The following CFAP99 variants were observed in gnomAD, a reference collection of about 807,000 sequenced individuals.
CFAP99 encodes the protein cilia and flagella associated protein 99, also known as cilia- and flagella-associated protein 99.
A neutral mutation model predicts 82.7 loss-of-function variants in CFAP99; 84 were observed. That is an observed-to-expected ratio of 1.02 (90% CI 0.85 to 1.22). The LOEUF (loss-of-function observed/expected upper bound fraction) is 1.22, where lower values mean the gene tolerates loss of function less well. Ranked by LOEUF, CFAP99 falls within the 50% of genes most tolerant of loss-of-function variation. CFAP99 has a pLI of 0.00. For missense variants in CFAP99, 1,059 were observed against 983.5 expected (o/e 1.08, Z -1.03); for synonymous variants, 456 against 429.5 (o/e 1.06, Z -0.76).
At chr4:2,437,202 T>C (rs2239736) in intron 3 of CFAP99, among the ~76,000 whole-genome samples, 184 bp downstream of exon 3, 88,128 of 152,064 alleles carry the variant, frequency 0.58, 26,644 homozygotes, top group African/African-American at 0.74. Context: ...ACCTTGCAGA[T>C]GGGAAACTGA....
intron 1 of CFAP99, among the ~76,000 whole-genome samples, chr4:2,419,714 G>A (rs1733507773): frequency 6.6e-6 from 1 of 152,126 alleles, no homozygotes; most frequent in Non-Finnish European, 1.5e-5. Context: ...TATTCCAACA[G>A]ACGCGATGTG....
chr4:2,442,641 ACCC>A (rs1299834600), intron 4 of CFAP99, among the ~76,000 whole-genome samples: 2 of 152,014 alleles, frequency 1.3e-5, no homozygotes, highest in Non-Finnish European at 2.9e-5. Flanking sequence ...GGAGCCCCGG[ACCC>A]TCGGCTCCCC....
chr4:2,419,856 C>T (rs1023589643), intron 1 of CFAP99, among the ~76,000 whole-genome samples: 3 of 152,156 alleles, frequency 2.0e-5, no homozygotes, highest in African/African-American at 7.2e-5. Flanking sequence ...GGCAAAACCC[C>T]TCTGGAGTTT....
At chr4:2,461,909 G>A (rs183962349) in intron 14 of CFAP99, among the ~76,000 whole-genome samples, 3 of 152,122 alleles carry the variant, frequency 2.0e-5, no homozygotes, top group South Asian at 4.2e-4. Context: ...AGAAGAGTGC[G>A]AGGTCAAAGG....
chr4:2,420,955 C>T (rs980057077), intron 1 of CFAP99, among the ~76,000 whole-genome samples: 4 of 152,178 alleles, frequency 2.6e-5, no homozygotes, highest in Non-Finnish European at 5.9e-5. Context: ...AGAACTTAGC[C>T]ACACAACCAT....
chr4:2,431,617 A>C (rs1733802952), intron 2 of CFAP99, among the ~76,000 whole-genome samples: 1 of 152,154 alleles, frequency 6.6e-6, no homozygotes, highest in African/African-American at 2.4e-5. Flanking sequence ...TTGGCTTTCC[A>C]TGGAGATCCA....
chr4:2,419,118 G>A (rs1384326324), intron 1 of CFAP99, 25 bp downstream of exon 1: 3 of 152,162 alleles, frequency 2.0e-5, no homozygotes, highest in Admixed American at 1.3e-4. Flanking sequence ...CAGGTGCGGG[G>A]CGACGCGCCG....
intron 1 of CFAP99, among the ~76,000 whole-genome samples, chr4:2,423,285 C>T (rs916536085): frequency 6.6e-6 from 1 of 152,264 alleles, no homozygotes; most frequent in Non-Finnish European, 1.5e-5. Flanking sequence ...CCGCACCGCA[C>T]CCCTGCCATA....
chr4:2,440,149 C>CTTTTTTT (rs1253819268), intron 4 of CFAP99, among the ~76,000 whole-genome samples: 6 of 104,036 alleles, frequency 5.8e-5, no homozygotes, highest in South Asian at 6.4e-4. Flanking sequence ...GCTTGACATT[C>CTTTTTTT]TTTTTTTTTT....
intron 5 of CFAP99, among the ~76,000 whole-genome samples, chr4:2,444,639 G>A (rs2108726672): frequency 6.6e-6 from 1 of 152,188 alleles, no homozygotes; most frequent in South Asian, 2.1e-4. Flanking sequence ...CCCACCCAGA[G>A]GCTGTACCAA....
chr4:2,452,582 G>A (rs578243832), intron 11 of CFAP99, among the ~76,000 whole-genome samples: 3 of 152,290 alleles, frequency 2.0e-5, no homozygotes, highest in Admixed American at 2.0e-4. Flanking sequence ...ACAGTGGCCT[G>A]GACCAGCGGG....
intron 1 of CFAP99, among the ~76,000 whole-genome samples, chr4:2,425,381 T>C (rs1203784): frequency 0.74 from 112,408 of 151,992 alleles, 42,704 homozygotes; most frequent in East Asian, 0.99. Context: ...CCAGGATCGG[T>C]GTCTCACCAA....
exon 10 of CFAP99, chr4:2,451,273 A>G: frequency 1.3e-6 from 2 of 1,536,038 alleles, no homozygotes; most frequent in Non-Finnish European, 1.7e-6. Context: ...GCCTGACAAC[A>G]TCCTGGTCAA....
chr4:2,458,544 C>A (rs1734489134), intron 11 of CFAP99, among the ~76,000 whole-genome samples, 179 bp from the exon 12 acceptor site: 1 of 152,184 alleles, frequency 6.6e-6, no homozygotes, highest in Non-Finnish European at 1.5e-5. Flanking sequence ...AAGTTCCCCG[C>A]AGGCCCAACT....
intron 4 of CFAP99, among the ~76,000 whole-genome samples, chr4:2,441,893 T>A (rs1364957373): frequency 6.6e-6 from 1 of 152,102 alleles, no homozygotes; most frequent in Non-Finnish European, 1.5e-5. Context: ...GGCGGTGACA[T>A]GGTGTGGCTC....
At chr4:2,457,401 GGTGCGAGCTCAGCGAGCAGCCA>G (rs111301526) in intron 11 of CFAP99, among the ~76,000 whole-genome samples, 4 of 152,336 alleles carry the variant, frequency 2.6e-5, no homozygotes, top group African/African-American at 9.6e-5. Flanking sequence ...GTTCGGACTT[GGTGCGAGCTCAGCGAGCAGCCA>G]GTGCGAGCCA....
At chr4:2,427,296 C>T (rs1445753221) in intron 2 of CFAP99, 2 of 153,150 alleles carry the variant, frequency 1.3e-5, no homozygotes, top group East Asian at 3.9e-4. Context: ...GCTCCCACCA[C>T]GAGGTGCTGA....
exon 12 of CFAP99, chr4:2,458,797 G>A: frequency 3.3e-6 from 5 of 1,535,958 alleles, no homozygotes; most frequent in Non-Finnish European, 4.4e-6. Context: ...TGGTGGAGCA[G>A]GTGATAGAGG....
At chr4:2,459,072 C>A in intron 12 of CFAP99, 35 bp from the exon 13 acceptor site, 1 of 1,480,114 alleles carries the variant, frequency 6.8e-7, no homozygotes, top group South Asian at 1.3e-5. Flanking sequence ...CCCTGCCACC[C>A]ACCAGCCACC....
Sources: gnomAD v4.1 joint callset for allele counts (sites outside exome capture counted in the v4.1 genomes callset) on GRCh38, gnomAD v4.1.1 for gene constraint, MANE v1.5 for transcripts, NCBI Gene and HGNC (gene_info 2026-07-23, HGNC 2026-07-21) for gene names.